ROBO1: variants seen among roughly 807,000 people sequenced by gnomAD.
ROBO1 encodes roundabout homolog 1.
ROBO1 carries 149 observed loss-of-function variants against 195.9 expected under a neutral mutation model. The ratio of observed to expected loss-of-function variants is 0.76; its 90% confidence interval spans 0.67 to 0.87. The LOEUF (loss-of-function observed/expected upper bound fraction) is 0.87. ROBO1 is among the 40% of genes least tolerant of loss of function. The probability of loss-of-function intolerance (pLI) is 0.00; values close to 1 mark genes in which losing one functional copy is unlikely to be tolerated. For synonymous variants in ROBO1, 816 were observed against 733.2 expected (o/e 1.11, Z -1.82); for missense variants, 1,933 against 2,068.3 (o/e 0.93, Z 1.27).
chr3:79,650,976 G>T (rs951360594), intron 1 of ROBO1, among the ~76,000 whole-genome samples: 1 of 151,764 alleles, frequency 6.6e-6, no homozygotes. Flanking sequence ...TTAAATATTT[G>T]CATCTGAAAT....
intron 2 of ROBO1, among the ~76,000 whole-genome samples, chr3:79,378,884 C>T (rs1472017796): frequency 6.6e-6 from 1 of 152,198 alleles, no homozygotes; most frequent in Non-Finnish European, 1.5e-5. Flanking sequence ...TCCGCCTCTT[C>T]CTGTGTAACC....
chr3:79,561,896 GAGAC>G (rs1461169280), intron 2 of ROBO1, among the ~76,000 whole-genome samples: 1 of 152,086 alleles, frequency 6.6e-6, no homozygotes, highest in Non-Finnish European at 1.5e-5. Context: ...GAAGAAAGAG[GAGAC>G]AGGAGTGGTA....
At chr3:79,173,825 A>G (rs528564172) in intron 2 of ROBO1, among the ~76,000 whole-genome samples, 21 of 152,242 alleles carry the variant, frequency 1.4e-4, no homozygotes, top group African/African-American at 4.3e-4. Flanking sequence ...ACGTCTAGCC[A>G]AGGGATTGTA....
chr3:78,942,414 C>T (rs1576438592), intron 3 of ROBO1, among the ~76,000 whole-genome samples: 1 of 152,054 alleles, frequency 6.6e-6, no homozygotes, highest in South Asian at 2.1e-4. Flanking sequence ...AGTCTAGCCA[C>T]TTACAATATG....
chr3:79,598,448 TG>T (rs1226066628), intron 1 of ROBO1, among the ~76,000 whole-genome samples: 2 of 152,128 alleles, frequency 1.3e-5, no homozygotes, highest in Non-Finnish European at 2.9e-5. Context: ...CATTTCACTG[TG>T]TTTAAAGATA....
At chr3:78,749,706 C>A (rs1218695569) in intron 4 of ROBO1, among the ~76,000 whole-genome samples, 1 of 152,040 alleles carries the variant, frequency 6.6e-6, no homozygotes, top group East Asian at 1.9e-4. Context: ...CTTAAGTCAT[C>A]ACAATAAAAA....
intron 2 of ROBO1, among the ~76,000 whole-genome samples, chr3:79,234,569 C>T (rs1048581428): frequency 6.6e-6 from 1 of 151,978 alleles, no homozygotes; most frequent in Non-Finnish European, 1.5e-5. Flanking sequence ...ATGGAGTCAA[C>T]CTAGGTGCCC....
chr3:78,678,777 A>G (rs923149207), intron 10 of ROBO1, among the ~76,000 whole-genome samples: 8 of 152,230 alleles, frequency 5.3e-5, no homozygotes, highest in Non-Finnish European at 1.0e-4. Flanking sequence ...TCCTTCTGAA[A>G]CTATTCCAAA....
At chr3:78,818,361 C>G (rs1203692511) in intron 4 of ROBO1, among the ~76,000 whole-genome samples, 1 of 152,156 alleles carries the variant, frequency 6.6e-6, no homozygotes, top group African/African-American at 2.4e-5. Context: ...GCCAGACGCC[C>G]TGGAGCAGCA....
At chr3:78,804,445 GA>G (rs1436895656) in intron 4 of ROBO1, among the ~76,000 whole-genome samples, 1 of 151,922 alleles carries the variant, frequency 6.6e-6, no homozygotes, top group African/African-American at 2.4e-5. Context: ...CATAATTAGG[GA>G]AAACCACAAC....
At chr3:79,468,441 G>A (rs946563736) in intron 2 of ROBO1, among the ~76,000 whole-genome samples, 11 of 152,094 alleles carry the variant, frequency 7.2e-5, no homozygotes, top group African/African-American at 1.4e-4. Context: ...GTCAGAGGCC[G>A]TGCTCTTAAT....
At chr3:79,301,330 C>A (rs575898626) in intron 2 of ROBO1, among the ~76,000 whole-genome samples, 2 of 152,288 alleles carry the variant, frequency 1.3e-5, no homozygotes, top group Admixed American at 6.5e-5. Flanking sequence ...GACCAAGAAC[C>A]CACCAATTCC....
At chr3:78,627,227 CA>C (rs1704856196) in intron 26 of ROBO1, 93 bp downstream of exon 26, 5 of 1,398,088 alleles carry the variant, frequency 3.6e-6, no homozygotes, top group East Asian at 2.5e-5. Flanking sequence ...GCTTATGAGA[CA>C]AGAAAATTAC....
intron 2 of ROBO1, among the ~76,000 whole-genome samples, chr3:79,179,477 C>A (rs541715133): frequency 6.6e-6 from 1 of 152,242 alleles, no homozygotes; most frequent in African/African-American, 2.4e-5. Flanking sequence ...TCTTAACTGC[C>A]TCCTATTGCA....
At chr3:79,375,843 C>A (rs758169776) in intron 2 of ROBO1, among the ~76,000 whole-genome samples, 3 of 152,166 alleles carry the variant, frequency 2.0e-5, no homozygotes, top group Admixed American at 6.5e-5. Context: ...AGATCTTAAA[C>A]CTGTTCTGGG....
intron 4 of ROBO1, among the ~76,000 whole-genome samples, chr3:78,860,909 T>C (rs1363566431): frequency 6.6e-6 from 1 of 152,166 alleles, no homozygotes; most frequent in Non-Finnish European, 1.5e-5. Flanking sequence ...TCTGGATTGC[T>C]CTTACCCACT....
intron 3 of ROBO1, among the ~76,000 whole-genome samples, chr3:79,014,300 T>A (rs2077865296): frequency 6.6e-6 from 1 of 151,910 alleles, no homozygotes; most frequent in Non-Finnish European, 1.5e-5. Context: ...TGAAAACCCA[T>A]CTCTACTACT....
intron 10 of ROBO1, among the ~76,000 whole-genome samples, chr3:78,681,936 C>A (rs2080924094): frequency 6.6e-6 from 1 of 152,068 alleles, no homozygotes; most frequent in Admixed American, 6.6e-5. Context: ...ATGATTAGGG[C>A]ACGTGAGCAA....
chr3:78,989,852 G>T (rs1420937093), intron 3 of ROBO1, among the ~76,000 whole-genome samples: 2 of 151,842 alleles, frequency 1.3e-5, no homozygotes, highest in East Asian at 1.9e-4. Flanking sequence ...GAACATTTTT[G>T]AATTTAATAT....
Sources: gnomAD v4.1 joint callset for allele counts (sites outside exome capture counted in the v4.1 genomes callset) on GRCh38, gnomAD v4.1.1 for gene constraint, MANE v1.5 for transcripts, NCBI Gene and HGNC (gene_info 2026-07-23, HGNC 2026-07-21) for gene names.